TMEM161B: variants seen among roughly 807,000 people sequenced by gnomAD.
TMEM161B encodes transmembrane protein 161B.
In TMEM161B, 34 loss-of-function variants were observed where a neutral mutation model predicts 61.8. The ratio of observed to expected loss-of-function variants is 0.55; its 90% confidence interval spans 0.42 to 0.73. The LOEUF (loss-of-function observed/expected upper bound fraction) is 0.73, where lower values mean the gene tolerates loss of function less well. TMEM161B is among the 30% of genes least tolerant of loss of function. TMEM161B has a pLI of 0.00. For synonymous variants in TMEM161B, 167 were observed against 192.8 expected (o/e 0.87, Z 1.11); for missense variants, 456 against 558.5 (o/e 0.82, Z 1.85).
At chr5:88,189,784 T>C (rs1167005282) in exon 13 of TMEM161B, 3 of 383,758 alleles carry the variant, frequency 7.8e-6, no homozygotes, top group Admixed American at 7.7e-5. Context: ...TATCCTGCTC[T>C]TTTAGAAGGG....
chr5:88,186,150 G>A (rs920407230), downstream of TMEM161B, among the ~76,000 whole-genome samples: 1 of 152,192 alleles, frequency 6.6e-6, no homozygotes, highest in African/African-American at 2.4e-5. Flanking sequence ...TACAGGCAGT[G>A]CTTTTACTAA....
intron 1 of TMEM161B, among the ~76,000 whole-genome samples, chr5:88,253,306 C>T (rs1012075760): frequency 6.6e-6 from 1 of 152,080 alleles, no homozygotes; most frequent in Non-Finnish European, 1.5e-5. Flanking sequence ...CTCCTCACTG[C>T]CACCTACAAA....
chr5:88,199,886 A>T (rs1391049381), intron 9 of TMEM161B: 1 of 152,082 alleles, frequency 6.6e-6, no homozygotes, highest in Non-Finnish European at 1.5e-5. Context: ...TGCTCTGATG[A>T]AGAACTACAT....
At position 88,225,818 on chromosome 5, in the gene TMEM161B, A is replaced by T; in HGVS notation, c.240T>A (p.Asp80Glu). ...IESKPLTIPK[D>E]IDLHLETKSV... ...ACTTTGTTTCTAGATGAAGGTCAAT[A>T]TCCTTTGGAATGGTTAATGGCTTAC... The change falls in exon 4 of 12, where the codon GAT (aspartate) becomes GAA (glutamate). Residue 80 changes from aspartate (D) to glutamate (E), a missense_variant. Around this residue, in one of 3 missense-constraint regions of TMEM161B, gnomAD observed 85 missense variants for 111.2 expected, o/e 0.76. Coordinates refer to ENST00000296595, the MANE Select transcript of TMEM161B (RefSeq NM_153354.5). 2.5e-6 allele frequency: 4 copies of T among 1,611,684 alleles called. No homozygotes were observed. The highest frequency in any genetic ancestry group is 3.4e-6 in the Non-Finnish European group (4 of 1,178,896).
At chr5:88,239,005 T>C (rs559201576) in intron 2 of TMEM161B, among the ~76,000 whole-genome samples, 1 of 152,062 alleles carries the variant, frequency 6.6e-6, no homozygotes, top group Non-Finnish European at 1.5e-5. Flanking sequence ...AGTTAATCCA[T>C]TTACAAAAGC....
intron 4 of TMEM161B, chr5:88,221,844 G>A: frequency 4.7e-6 from 2 of 424,708 alleles, no homozygotes; most frequent in South Asian, 1.7e-5. Flanking sequence ...GCATTGCTTT[G>A]GACAATTTTT....
intron 4 of TMEM161B, chr5:88,221,891 G>A (rs901966255): frequency 1.4e-5 from 5 of 352,830 alleles, no homozygotes; most frequent in African/African-American, 6.4e-5. Context: ...TTGAAGATAC[G>A]ATATCCTTAT....
At chr5:88,243,613 A>G (rs1331990173) in intron 1 of TMEM161B, among the ~76,000 whole-genome samples, 1 of 151,786 alleles carries the variant, frequency 6.6e-6, no homozygotes, top group Non-Finnish European at 1.5e-5. Flanking sequence ...TGTATATCCA[A>G]TAATGGGATT....
At chr5:88,190,468 C>G (rs1489740285), downstream of TMEM161B, among the ~76,000 whole-genome samples, 1 of 152,104 alleles carries the variant, frequency 6.6e-6, no homozygotes, top group African/African-American at 2.4e-5. Flanking sequence ...CATCACTTGT[C>G]CTCCCTCTAC....
chr5:88,205,762 AG>A (rs1745341341), intron 8 of TMEM161B, 51 bp downstream of exon 8: 1 of 1,586,872 alleles, frequency 6.3e-7, no homozygotes, highest in East Asian at 2.3e-5. Flanking sequence ...ACCTTCATTA[AG>A]ATGGAAAACA....
At chr5:88,202,732 T>TAGATCTCG in intron 9 of TMEM161B, 1 of 496,464 alleles carries the variant, frequency 2.0e-6, no homozygotes, top group Admixed American at 4.0e-5. Context: ...AAAAATAGTG[T>TAGATCTCG]GTAAGGTAAT....
chr5:88,212,657 A>G (rs950350453), intron 5 of TMEM161B, among the ~76,000 whole-genome samples: 35 of 152,086 alleles, frequency 2.3e-4, no homozygotes, highest in African/African-American at 8.5e-4. Context: ...GTGAAACACC[A>G]TCTCTACCAA....
intron 1 of TMEM161B, among the ~76,000 whole-genome samples, chr5:88,246,805 C>G (rs1753675837): frequency 6.6e-6 from 1 of 151,934 alleles, no homozygotes; most frequent in South Asian, 2.1e-4. Flanking sequence ...GAAAACTGGT[C>G]AAATGAGCAG....
chr5:88,220,826 A>G (rs1203782133), intron 4 of TMEM161B, 107 bp from the exon 5 acceptor site: 2 of 1,326,280 alleles, frequency 1.5e-6, no homozygotes, highest in East Asian at 2.9e-5. Context: ...AATACGCTAG[A>G]CTTTATTTGT....
Position 88,196,115 on chromosome 5 carries a change from T to C in TMEM161B, c.*96A>G. ...ATTCTGATATGTTTTTTTTTTCCCA[T>C]TGTATTTGCTTTCTTCTGGTTTTCA... On this transcript the variant is annotated 3_prime_UTR_variant, in exon 12 of 12. Coordinates refer to ENST00000296595, the MANE Select transcript of TMEM161B (RefSeq NM_153354.5). The C allele has an allele frequency of 1.4e-6, 2 of 1,476,648 alleles. No homozygotes were observed. The highest frequency in any genetic ancestry group is 1.8e-6 in the Non-Finnish European group (2 of 1,116,138). The allele number at this position is 1,476,648 out of a possible 1,614,324, so 91.5% of individuals were successfully genotyped here. A position where few individuals can be genotyped will look rare whatever the true frequency, so the allele number is the denominator to read the frequency against.
chr5:88,227,556 A>G (rs183093987), intron 3 of TMEM161B, among the ~76,000 whole-genome samples: 1 of 152,354 alleles, frequency 6.6e-6, no homozygotes, highest in Non-Finnish European at 1.5e-5. Context: ...ATTTGTAATG[A>G]TAAGTGAAAA....
rs142815663 is a variant in TMEM161B at position 88,268,068 on chromosome 5, C to A, written c.3+653G>T. On this transcript the variant is annotated intron_variant, in intron 1 of 11. Coordinates refer to ENST00000296595, the MANE Select transcript of TMEM161B (RefSeq NM_153354.5). ...TTTACCCCTACCAACAAAAGACAAA[C>A]CCTTTCTGCCTAACCTTTAAGGTGC... Among the ~76,000 whole-genome samples, 610 of 152,258 alleles carry A rather than the reference C, an allele frequency of 4.0e-3. 4 individuals are homozygous for A. The highest frequency in any genetic ancestry group is 6.4e-3 in the Non-Finnish European group (436 of 68,020).
At chr5:88,260,859 T>C (rs1755602883) in intron 1 of TMEM161B, among the ~76,000 whole-genome samples, 1 of 152,228 alleles carries the variant, frequency 6.6e-6, no homozygotes, top group South Asian at 2.1e-4. Context: ...AAGTTTAAGT[T>C]GTTTCAGGTT....
At chr5:88,212,828 G>T (rs567801523) in intron 5 of TMEM161B, among the ~76,000 whole-genome samples, 1 of 152,144 alleles carries the variant, frequency 6.6e-6, no homozygotes, top group Non-Finnish European at 1.5e-5. Flanking sequence ...TTATCTCAAT[G>T]CTCTTTTGAG....
Sources: allele counts gnomAD v4.1 joint callset (sites outside exome capture counted in the v4.1 genomes callset), GRCh38; gene constraint gnomAD v4.1.1; regional missense constraint gnomAD v4.1.1; transcripts MANE v1.5; gene names NCBI Gene and HGNC (gene_info 2026-07-23, HGNC 2026-07-21).